The following THADA variants were observed in gnomAD, a reference collection of about 807,000 sequenced individuals.
THADA encodes the protein tRNA (32-2'-O)-methyltransferase regulator THADA.
In THADA, 213 loss-of-function variants were observed where a neutral mutation model predicts 219.8. The observed-to-expected ratio is 0.97, with a 90% CI of 0.87 to 1.09. THADA has a LOEUF of 1.09. Ranked by LOEUF, THADA falls within the 50% of genes least tolerant of loss-of-function variation. The probability of loss-of-function intolerance (pLI) is 0.00; values close to 1 mark genes in which losing one functional copy is unlikely to be tolerated. For synonymous variants in THADA, 1,018 were observed against 828.9 expected (o/e 1.23, Z -3.92); for missense variants, 2,956 against 2,311.3 (o/e 1.28, Z -5.72).
chr2:43,329,677 A>G (rs1679734270), intron 30 of THADA, among the ~76,000 whole-genome samples: 1 of 152,250 alleles, frequency 6.6e-6, no homozygotes, highest in Admixed American at 6.5e-5. Context: ...AACCAAGAAT[A>G]GAATCAAGGT....
At chr2:43,333,532 A>AGAAG (rs958228029) in intron 30 of THADA, among the ~76,000 whole-genome samples, 8 of 152,050 alleles carry the variant, frequency 5.3e-5, no homozygotes, top group African/African-American at 1.9e-4. Context: ...AAAGAAAAAA[A>AGAAG]GAAGGAAAGA....
intron 4 of THADA, among the ~76,000 whole-genome samples, chr2:43,587,210 C>T (rs1006250189): frequency 1.1e-4 from 17 of 152,204 alleles, no homozygotes; most frequent in Admixed American, 2.0e-4. Flanking sequence ...TCTCCCATCT[C>T]CCAGATTATT....
chr2:43,355,869 T>C (rs1002493388), intron 29 of THADA, among the ~76,000 whole-genome samples: 2 of 152,216 alleles, frequency 1.3e-5, no homozygotes, highest in African/African-American at 4.8e-5. Flanking sequence ...GAGTGATGGA[T>C]ACATGGGGAT....
chr2:43,368,047 C>T (rs969863924), intron 29 of THADA, among the ~76,000 whole-genome samples: 1 of 151,902 alleles, frequency 6.6e-6, no homozygotes, highest in South Asian at 2.1e-4. Context: ...GAACCCGGGA[C>T]GCAGAGGTTG....
At chr2:43,266,101 G>A (rs1392725988) in intron 36 of THADA, among the ~76,000 whole-genome samples, 2 of 152,020 alleles carry the variant, frequency 1.3e-5, no homozygotes, top group Non-Finnish European at 2.9e-5. Context: ...GGTTGCCTGG[G>A]GAGCCCTTAC....
intron 22 of THADA, among the ~76,000 whole-genome samples, chr2:43,527,572 A>C (rs1156359814): frequency 6.6e-6 from 1 of 151,672 alleles, no homozygotes; most frequent in Non-Finnish European, 1.5e-5. Flanking sequence ...TAATTTTCAA[A>C]CAGACAAAAC....
chr2:43,484,981 G>A (rs1686727712), intron 26 of THADA, among the ~76,000 whole-genome samples: 1 of 149,982 alleles, frequency 6.7e-6, no homozygotes, highest in Admixed American at 6.6e-5. Flanking sequence ...TTTGCATGGA[G>A]AAACAAGCTC....
intron 26 of THADA, among the ~76,000 whole-genome samples, chr2:43,450,695 T>C: frequency 6.6e-6 from 1 of 151,378 alleles, no homozygotes; most frequent in South Asian, 2.1e-4. Context: ...GCAGAATGGA[T>C]AAAAAAAAAC....
At chr2:43,497,357 T>C (rs896299034) in intron 25 of THADA, among the ~76,000 whole-genome samples, 7 of 152,140 alleles carry the variant, frequency 4.6e-5, no homozygotes, top group Non-Finnish European at 1.0e-4. Context: ...TATTCAGCCA[T>C]AAAAAGGAAT....
At chr2:43,265,077 C>G (rs1476821487) in intron 36 of THADA, among the ~76,000 whole-genome samples, 1 of 152,226 alleles carries the variant, frequency 6.6e-6, no homozygotes, top group Non-Finnish European at 1.5e-5. Flanking sequence ...GCCACCAGAA[C>G]AAGATTCCTG....
chr2:43,429,022 G>A (rs1263241937), intron 27 of THADA, among the ~76,000 whole-genome samples: 1 of 152,038 alleles, frequency 6.6e-6, no homozygotes, highest in Non-Finnish European at 1.5e-5. Flanking sequence ...TTCATACCAA[G>A]TGCAAAATTA....
At chr2:43,334,489 C>T (rs1666164719) in intron 30 of THADA, among the ~76,000 whole-genome samples, 1 of 152,164 alleles carries the variant, frequency 6.6e-6, no homozygotes. Flanking sequence ...AAAATTTATT[C>T]CCAAGGTTGC....
intron 31 of THADA, among the ~76,000 whole-genome samples, chr2:43,305,413 T>A (rs1676740897): frequency 6.6e-6 from 1 of 152,156 alleles, no homozygotes; most frequent in African/African-American, 2.4e-5. Context: ...TAGTACTGGT[T>A]GTTTATTTCT....
intron 7 of THADA, among the ~76,000 whole-genome samples, chr2:43,582,424 G>T (rs1461449197): frequency 6.6e-6 from 1 of 150,716 alleles, no homozygotes; most frequent in Non-Finnish European, 1.5e-5. Context: ...TTGAACCCCA[G>T]AGGTGGAGGC....
intron 26 of THADA, among the ~76,000 whole-genome samples, chr2:43,477,138 T>C (rs1344036667): frequency 6.6e-6 from 1 of 152,226 alleles, no homozygotes; most frequent in East Asian, 1.9e-4. Flanking sequence ...ATATATCTAC[T>C]GCTCCTAATA....
chr2:43,591,322 C>T lies in THADA; in HGVS notation c.172-368G>A, dbSNP rs184868490. Among the ~76,000 whole-genome samples, 496 of 152,216 alleles carry T rather than the reference C, an allele frequency of 3.3e-3. 7 individuals carry two copies. The highest frequency in any genetic ancestry group is 5.2e-3 in the Non-Finnish European group (353 of 68,016). ...CCTGGGTAAGAGAGTGAGACCCTAT[C>T]TCAAAAAAATAAATAAAACAAAGTG... On this transcript the variant is annotated intron_variant, in intron 3 of 37. Transcript: ENST00000405975.
intron 8 of THADA, among the ~76,000 whole-genome samples, chr2:43,579,300 T>C (rs1023939596): frequency 1.3e-5 from 2 of 152,190 alleles, no homozygotes; most frequent in Admixed American, 6.5e-5. Context: ...AATCACCATA[T>C]ACACAGACTT....
intron 36 of THADA, 79 bp from the exon 37 acceptor site, chr2:43,232,961 C>A: frequency 6.9e-7 from 1 of 1,449,656 alleles, no homozygotes; most frequent in Non-Finnish European, 9.3e-7. Flanking sequence ...ACCCTGGGAA[C>A]AATAAAGGCC....
chr2:43,560,358 C>G lies in THADA; in HGVS notation c.2339G>C (p.Ser780Thr). The G allele has an allele frequency of 1.2e-6, 2 of 1,610,306 alleles. No individual in the cohort carries two copies. The highest frequency in any genetic ancestry group is 2.2e-5 in the East Asian group (1 of 44,722). ...EGRIYTVYQL[S>T]HDIDVGRFQT... ...GAAACGACCAACATCAATATCATGA[C>G]TCAGCTGATATACTGTATAAATTCT... The change falls in exon 16 of 38, where the codon AGT (serine) becomes ACT (threonine). Residue 780 changes from serine to threonine, a missense_variant. By Grantham distance (58) the Ser-to-Thr change is moderately conservative. Coordinates refer to ENST00000405975, the MANE Select transcript of THADA (RefSeq NM_022065.5).
Sources: gnomAD v4.1 joint callset for allele counts (sites outside exome capture counted in the v4.1 genomes callset) on GRCh38, gnomAD v4.1.1 for gene constraint, MANE v1.5 for transcripts, NCBI Gene and HGNC (gene_info 2026-07-23, HGNC 2026-07-21) for gene names.